Variants in RFC4 observed in about 807,000 individuals in gnomAD.
RFC4 encodes replication factor C subunit 4, also known as A1 37 kDa subunit.
RFC4 carries 38 observed loss-of-function variants against 47.6 expected under a neutral mutation model. That is an observed-to-expected ratio of 0.80 (90% CI 0.62 to 1.05). The LOEUF (loss-of-function observed/expected upper bound fraction) is 1.05, where lower values mean the gene tolerates loss of function less well. Ranked by LOEUF, RFC4 falls within the 50% of genes least tolerant of loss-of-function variation. RFC4 has a pLI of 0.00. For synonymous variants in RFC4, 164 were observed against 150.0 expected, an observed-to-expected ratio of 1.09 and a Z score of -0.68; for missense variants, 489 against 434.0, an observed-to-expected ratio of 1.13 and a Z score of -1.13.
intron 5 of RFC4, 95 bp downstream of exon 5, chr3:186,794,563 T>C: frequency 8.0e-7 from 1 of 1,257,842 alleles, no homozygotes; most frequent in Non-Finnish European, 1.1e-6. Flanking sequence ...TTGGCAGAAA[T>C]ACACTTGATC....
At position 186,791,793 on chromosome 3, in the gene RFC4, G is replaced by A; in HGVS notation, c.733C>T (p.Leu245Phe). Residue 245 changes from leucine (L) to phenylalanine (F), a missense_variant, in exon 8 of 11, where the codon CTT becomes TTT. Around this residue, in one of 2 missense-constraint regions of RFC4, gnomAD observed 283 missense variants for 176.2 expected, o/e 1.61. Transcript: ENST00000296273. Reference protein sequence around the residue: ...EGDLRKAITFLQSATRLTGGK... With the variant: ...EGDLRKAITFFQSATRLTGGK... ...CCTGTTAATCGAGTAGCGCTTTGAA[G>A]AAATGTAATGGCTTTTCTTAAGTCT... 1 of 1,610,804 alleles carries A rather than the reference G, an allele frequency of 6.2e-7. No homozygotes were observed. Among genetic ancestry groups the A allele is most frequent in the South Asian group, 1.1e-5 (1 of 91,018 alleles).
intron 4 of RFC4, 116 bp from the exon 5 acceptor site, chr3:186,794,893 A>C: frequency 8.8e-7 from 1 of 1,141,548 alleles, no homozygotes. Flanking sequence ...CATGGATAGA[A>C]GGCACACAAT....
intron 3 of RFC4, among the ~76,000 whole-genome samples, chr3:186,799,731 A>G (rs1169021382): frequency 2.6e-5 from 4 of 152,068 alleles, no homozygotes; most frequent in Admixed American, 2.6e-4. Flanking sequence ...AAAAAAACAA[A>G]AAAACAAAAG....
rs3917094 is a variant in RFC4, at chr3:186,805,367, C to G, written c.-11-643G>C. ...TCCCCAGTAGCTAGGACTACAGGTGCGTGCCACCACCCCCGGCTAATTTTT... is the reference window on the plus strand; with the variant it reads ...TCCCCAGTAGCTAGGACTACAGGTGGGTGCCACCACCCCCGGCTAATTTTT... On this transcript the variant is annotated intron_variant, in intron 1 of 10. Coordinates refer to ENST00000296273, the MANE Select transcript of RFC4 (RefSeq NM_002916.5). Among the ~76,000 whole-genome samples the G allele has an allele frequency of 2.7e-3, 407 of 152,216 alleles. 4 individuals carry two copies. Among genetic ancestry groups the G allele is most frequent in the East Asian group, 0.018 (95 of 5,182 alleles).
At chr3:186,804,452 GA>G (rs777263202) in intron 2 of RFC4, 130 bp downstream of exon 2, 192 of 879,566 alleles carry the variant, frequency 2.2e-4, no homozygotes, top group Non-Finnish European at 3.1e-4. Flanking sequence ...ATAAGTGGGT[GA>G]TTTTTTTTCA....
intron 2 of RFC4, among the ~76,000 whole-genome samples, chr3:186,803,070 C>T (rs1722394303): frequency 1.3e-5 from 2 of 152,184 alleles, no homozygotes; most frequent in South Asian, 2.1e-4. Context: ...GGGCTGGGCG[C>T]AGTGACTCAC....
intron 7 of RFC4, 98 bp from the exon 8 acceptor site, chr3:186,791,948 G>C (rs527367321): frequency 1.7e-4 from 189 of 1,081,198 alleles, no homozygotes; most frequent in South Asian, 1.6e-3. Context: ...CCCTGTTTTA[G>C]TCTAGAGTTA....
At chr3:186,805,084 C>G (rs1452688922) in intron 1 of RFC4, among the ~76,000 whole-genome samples, 3 of 152,204 alleles carry the variant, frequency 2.0e-5, no homozygotes, top group Non-Finnish European at 4.4e-5. Context: ...CATGGGCCTC[C>G]ATGGTTTCTT....
intron 1 of RFC4, among the ~76,000 whole-genome samples, 170 bp downstream of exon 1, chr3:186,806,120 G>C (rs961829693): frequency 6.6e-6 from 1 of 152,218 alleles, no homozygotes; most frequent in African/African-American, 2.4e-5. Flanking sequence ...ACAGCCCAAA[G>C]CCGGGGCCTG....
At position 186,793,647 on chromosome 3, in the gene RFC4, C is replaced by T. The variant is rs770788599; in HGVS notation, c.411-700G>A. On this transcript the variant is annotated intron_variant, in intron 5 of 10. Coordinates refer to ENST00000296273, the MANE Select transcript of RFC4 (RefSeq NM_002916.5). This position sits in a 1 kb window ranked among gnomAD's most constrained non-coding sequence, Gnocchi z 4.2. ...TCAATGTGGCTTTGATTTTCATTTC[C>T]CAAATGGATAATGATGTTGATGAGC... 1.3e-5 allele frequency among the ~76,000 whole-genome samples: 2 copies of T among 151,940 alleles called. No individual in the cohort carries two copies. The highest frequency in any genetic ancestry group is 6.6e-5 in the Admixed American group (1 of 15,262).
chr3:186,790,584 A>G (rs997900547), intron 8 of RFC4, among the ~76,000 whole-genome samples, 178 bp from the exon 9 acceptor site: 1 of 152,190 alleles, frequency 6.6e-6, no homozygotes, highest in Non-Finnish European at 1.5e-5. Flanking sequence ...CTAAGCAACC[A>G]AGGTGCTAAC....
intron 1 of RFC4, 42 bp from the exon 2 acceptor site, chr3:186,804,766 CT>C: frequency 6.3e-7 from 1 of 1,579,498 alleles, no homozygotes; most frequent in Non-Finnish European, 8.6e-7. Context: ...TTTATTGAAA[CT>C]TTTATTGCGA....
In RFC4 at chr3:186,804,627, G is replaced by A. The variant is rs764420417; in HGVS notation, c.87C>T (p.Ser29=). The A allele has an allele frequency of 1.3e-5, 21 of 1,613,838 alleles. No homozygotes were observed. The highest frequency in any genetic ancestry group is 1.6e-4 in the Middle Eastern group (1 of 6,062). Residue 29 remains serine, a synonymous_variant, in exon 2 of 11, where the codon AGC becomes AGT. Coordinates refer to ENST00000296273, the MANE Select transcript of RFC4 (RefSeq NM_002916.5). ...DRGVAASAGS[S]GENKKAKPVP... is the part of the protein sequence containing the mutation. ...CGGGTTTGGCTTTCTTGTTCTCTCC[G>A]CTACTTCCCGCACTGGCAGCTACTC...
intron 8 of RFC4, 126 bp downstream of exon 8, chr3:186,791,599 A>T: frequency 2.4e-6 from 2 of 835,400 alleles, no homozygotes; most frequent in South Asian, 2.7e-5. Flanking sequence ...CTCCCAGGTT[A>T]TTCCCTTATA....
chr3:186,791,418 C>T (rs1579175990), intron 8 of RFC4: 4 of 304,702 alleles, frequency 1.3e-5, no homozygotes, highest in South Asian at 3.1e-5. Flanking sequence ...TGCAGTGAGT[C>T]GGTATTGCGT....
rs1474858158 is a variant in RFC4, at chr3:186,791,359, G to A, written c.801+366C>T. The A allele has an allele frequency of 3.8e-5, 10 of 263,340 alleles. No homozygotes were observed. In the East Asian group the frequency reaches 8.8e-4, roughly 23 times the overall value. The allele number at this position is 263,340 out of a possible 1,614,324, so 16.3% of individuals were successfully genotyped here. On this transcript the variant is annotated intron_variant, in intron 8 of 10. Coordinates refer to ENST00000296273, the MANE Select transcript of RFC4 (RefSeq NM_002916.5). ...TACAAATTAGCTGGGCATGGTGGCA[G>A]GTGCCTGTAATCCCAGCTAATTGGG...
chr3:186,794,302 G>C (rs1448411843), intron 5 of RFC4, among the ~76,000 whole-genome samples: 1 of 152,148 alleles, frequency 6.6e-6, no homozygotes, highest in Non-Finnish European at 1.5e-5. Context: ...CCACCTCCCA[G>C]TCTTCATTTC....
intron 7 of RFC4, 81 bp downstream of exon 7, chr3:186,792,409 C>A: frequency 7.8e-7 from 1 of 1,279,382 alleles, no homozygotes; most frequent in South Asian, 1.3e-5. Flanking sequence ...AGGCAACACA[C>A]ATTTAAATCT....
intron 3 of RFC4, 59 bp from the exon 4 acceptor site, chr3:186,797,673 GA>G: frequency 8.2e-7 from 1 of 1,224,716 alleles, no homozygotes; most frequent in Non-Finnish European, 1.2e-6. Flanking sequence ...AGATGAAAAG[GA>G]AGATCGAAAA....
Sources: gnomAD v4.1 joint callset for allele counts (sites outside exome capture counted in the v4.1 genomes callset) on GRCh38, gnomAD v4.1.1 for gene constraint, gnomAD v4.1.1 regional missense constraint, Gnocchi (gnomAD v3.1) non-coding constraint, MANE v1.5 for transcripts, NCBI Gene and HGNC (gene_info 2026-07-23, HGNC 2026-07-21) for gene names.